ROR2: variants seen among roughly 807,000 people sequenced by gnomAD.
ROR2 encodes the protein ROR family WNT receptor 2.
A neutral mutation model predicts 74.9 loss-of-function variants in ROR2; 33 were observed. That is an observed-to-expected ratio of 0.44 (90% CI 0.33 to 0.59). The LOEUF (loss-of-function observed/expected upper bound fraction) is 0.59, where lower values mean the gene tolerates loss of function less well. Ranked by LOEUF, ROR2 falls within the 20% of genes least tolerant of loss-of-function variation. The probability of loss-of-function intolerance (pLI) is 0.02; values close to 1 mark genes in which losing one functional copy is unlikely to be tolerated. For missense variants in ROR2, 1,216 were observed against 1,313.8 expected, an observed-to-expected ratio of 0.93 and a Z score of 1.15; for synonymous variants, 586 against 558.7, an observed-to-expected ratio of 1.05 and a Z score of -0.69.
chr9:91,729,198 G>A (rs1000126648), intron 7 of ROR2, among the ~76,000 whole-genome samples: 1 of 151,866 alleles, frequency 6.6e-6, no homozygotes, highest in African/African-American at 2.4e-5. Flanking sequence ...TCAGGAGCCT[G>A]TGTGTGCTCA....
intron 1 of ROR2, among the ~76,000 whole-genome samples, chr9:91,843,669 T>C (rs1828846926): frequency 2.0e-5 from 3 of 152,232 alleles, no homozygotes; most frequent in Admixed American, 2.0e-4. Context: ...TCCGCATGCA[T>C]GTCGATGTCT....
At chr9:91,890,491 G>C (rs904825593) in intron 1 of ROR2, among the ~76,000 whole-genome samples, 1 of 152,200 alleles carries the variant, frequency 6.6e-6, no homozygotes, top group Non-Finnish European at 1.5e-5. Flanking sequence ...TAAACTTATA[G>C]ATGCTGTACT....
chr9:91,728,770 T>C (rs996476541), intron 7 of ROR2, among the ~76,000 whole-genome samples: 3 of 152,214 alleles, frequency 2.0e-5, no homozygotes, highest in African/African-American at 7.2e-5. Flanking sequence ...GTCATCCATA[T>C]TTTCCTGCTC....
intron 1 of ROR2, among the ~76,000 whole-genome samples, chr9:91,863,624 C>T (rs763097680): frequency 9.2e-5 from 14 of 152,174 alleles, no homozygotes; most frequent in Non-Finnish European, 1.8e-4. Context: ...AGCTTGGGAA[C>T]CTTATGCTCA....
intron 1 of ROR2, among the ~76,000 whole-genome samples, chr9:91,827,324 A>C (rs778386252): frequency 1.7e-4 from 26 of 151,806 alleles, no homozygotes; most frequent in Non-Finnish European, 3.4e-4. Context: ...ATTTTTTTTT[A>C]ATGTGACTTT....
chr9:91,908,389 A>G (rs1830872033), intron 1 of ROR2, among the ~76,000 whole-genome samples: 1 of 152,250 alleles, frequency 6.6e-6, no homozygotes, highest in Non-Finnish European at 1.5e-5. Context: ...TAGTAAAAAC[A>G]TAACGTTTTA....
At chr9:91,826,786 A>G (rs1236547409) in intron 1 of ROR2, among the ~76,000 whole-genome samples, 1 of 142,476 alleles carries the variant, frequency 7.0e-6, no homozygotes, top group East Asian at 2.2e-4. Context: ...TCCGTCTCAA[A>G]AAAAAAAAGA....
chr9:91,930,870 A>C (rs1338461456), intron 1 of ROR2, among the ~76,000 whole-genome samples: 1 of 152,248 alleles, frequency 6.6e-6, no homozygotes, highest in African/African-American at 2.4e-5. Flanking sequence ...CTAATTCCCA[A>C]GAAGAATGGA....
chr9:91,844,051 C>T (rs1017251852), intron 1 of ROR2, among the ~76,000 whole-genome samples: 2 of 152,190 alleles, frequency 1.3e-5, no homozygotes, highest in Admixed American at 6.5e-5. Flanking sequence ...ATCCCTGCAG[C>T]GGGGCGGATG....
At chr9:91,787,941 A>T (rs1826854190) in intron 1 of ROR2, among the ~76,000 whole-genome samples, 1 of 152,240 alleles carries the variant, frequency 6.6e-6, no homozygotes, top group South Asian at 2.1e-4. Flanking sequence ...AGGATGTTAT[A>T]AATATGTTCA....
At chr9:91,838,304 T>C (rs1183563119) in intron 1 of ROR2, among the ~76,000 whole-genome samples, 4 of 152,152 alleles carry the variant, frequency 2.6e-5, no homozygotes, top group African/African-American at 4.8e-5. Flanking sequence ...ACTCAGACTA[T>C]GGATTAACCT....
At chr9:91,857,931 TA>T (rs1348258268) in intron 1 of ROR2, among the ~76,000 whole-genome samples, 5 of 151,410 alleles carry the variant, frequency 3.3e-5, no homozygotes, top group Non-Finnish European at 7.4e-5. Context: ...CAGGAGAAAA[TA>T]AAGGGGTTAA....
chr9:91,819,653 T>TGTGTCTGCGTCTTTCA (rs1554679203), intron 1 of ROR2, among the ~76,000 whole-genome samples: 5 of 150,002 alleles, frequency 3.3e-5, no homozygotes, highest in African/African-American at 1.2e-4. Context: ...CTGTGTTCTC[T>TGTGTCTGCGTCTTTCA]GTGTCTGTGT....
Position 91,726,637 on chromosome 9 carries a change from A to G in ROR2, c.1290T>C (p.Asn430=). The G allele has an allele frequency of 6.2e-7, 1 of 1,614,078 alleles. No individual in the cohort carries two copies. Among genetic ancestry groups the G allele is most frequent in the South Asian group, 1.1e-5 (1 of 91,074 alleles). The part of the protein sequence containing the change: ...CLFFLVCMCR[N]KQKASASTPQ... Reference sequence around the variant, plus strand: ...GTGTGGACGCAGATGCCTTCTGCTTATTCCGGCACATGCAAACCAAGAAGA... The same window carrying G: ...GTGTGGACGCAGATGCCTTCTGCTTGTTCCGGCACATGCAAACCAAGAAGA... The change falls in exon 8 of 9, where the codon AAT becomes AAC. Residue 430 remains asparagine, a synonymous_variant. Transcript: ENST00000375708.
Position 91,833,882 on chromosome 9 carries a change from G to A in ROR2, c.98-58064C>T, listed in dbSNP as rs554413977. On this transcript the variant is annotated intron_variant, in intron 1 of 8. Transcript: ENST00000375708. ...CTGTGTCTGAAAACAGCTTTCCCCAGCCCAGTGTTCAGGGAAATCTGAGGC... is the reference window on the plus strand; with the variant it reads ...CTGTGTCTGAAAACAGCTTTCCCCAACCCAGTGTTCAGGGAAATCTGAGGC... Among the ~76,000 whole-genome samples, 17 of 152,250 alleles carry A rather than the reference G, an allele frequency of 1.1e-4. No individual in the cohort carries two copies. In the East Asian group the frequency reaches 2.7e-3, roughly 24 times the overall value.
At chr9:91,825,313 G>A (rs1828253779) in intron 1 of ROR2, among the ~76,000 whole-genome samples, 1 of 152,206 alleles carries the variant, frequency 6.6e-6, no homozygotes, top group South Asian at 2.1e-4. Context: ...GAAGTGCGGG[G>A]CATGTGATGG....
intron 1 of ROR2, among the ~76,000 whole-genome samples, chr9:91,942,593 T>C (rs1278010410): frequency 1.3e-5 from 2 of 152,146 alleles, no homozygotes; most frequent in East Asian, 3.8e-4. Context: ...TTAGGTTTTG[T>C]AGTAAATTAG....
intron 1 of ROR2, among the ~76,000 whole-genome samples, chr9:91,925,982 G>A (rs766817275): frequency 9.9e-5 from 15 of 152,150 alleles, no homozygotes; most frequent in Non-Finnish European, 1.8e-4. Context: ...GGTTGCTCAC[G>A]CCTGTAATCC....
chr9:91,940,754 C>T (rs185857451), intron 1 of ROR2, among the ~76,000 whole-genome samples: 2 of 152,088 alleles, frequency 1.3e-5, no homozygotes, highest in East Asian at 3.9e-4. Flanking sequence ...GCACCCAGCC[C>T]CCACCCCCGG....
Sources: gnomAD v4.1 joint callset for allele counts (sites outside exome capture counted in the v4.1 genomes callset) on GRCh38, gnomAD v4.1.1 for gene constraint, MANE v1.5 for transcripts, NCBI Gene and HGNC (gene_info 2026-07-23, HGNC 2026-07-21) for gene names.